NEO1: variants seen among roughly 807,000 people sequenced by gnomAD.
NEO1 encodes the protein neogenin.
NEO1 carries 63 observed loss-of-function variants against 159.7 expected under a neutral mutation model. The ratio of observed to expected loss-of-function variants is 0.39; its 90% CI spans 0.32 to 0.49. The LOEUF is 0.49. NEO1 is among the 20% of genes least tolerant of loss of function. The probability of loss-of-function intolerance (pLI) is 0.85; values close to 1 mark genes in which losing one functional copy is unlikely to be tolerated. For synonymous variants in NEO1, 633 were observed against 662.0 expected (o/e 0.96, Z 0.67); for missense variants, 1,615 against 1,831.0 (o/e 0.88, Z 2.15).
intron 5 of NEO1, among the ~76,000 whole-genome samples, chr15:73,173,576 G>A (rs2151942412): frequency 6.6e-6 from 1 of 152,296 alleles, no homozygotes; most frequent in Non-Finnish European, 1.5e-5. Context: ...TTATAGTACA[G>A]AAGAAGGGAA....
At chr15:73,223,635 T>C (rs2038413849) in intron 7 of NEO1, among the ~76,000 whole-genome samples, 1 of 152,234 alleles carries the variant, frequency 6.6e-6, no homozygotes, top group Non-Finnish European at 1.5e-5. Context: ...TTGCATGCAA[T>C]GCCTTTTTCC....
At chr15:73,234,512 A>G (rs556326745) in intron 7 of NEO1, among the ~76,000 whole-genome samples, 23 of 152,256 alleles carry the variant, frequency 1.5e-4, no homozygotes, top group African/African-American at 4.6e-4. Flanking sequence ...AAAATATATA[A>G]AGACAAACTC....
intron 1 of NEO1, among the ~76,000 whole-genome samples, chr15:73,074,108 G>A (rs1424229338): frequency 6.6e-6 from 1 of 152,136 alleles, no homozygotes; most frequent in Non-Finnish European, 1.5e-5. Flanking sequence ...CTTTAATTAA[G>A]TACCTGATTT....
rs1478648384 is a variant in NEO1, at chr15:73,293,470, C to T, written c.3823C>T (p.Arg1275Cys). ...CTCCAGCAGCCTCGCTTCTCCAGCT[C>T]GCAGTCATCTCTACCACCCGGGCAG... ...FHSSSLASPARSHLYHPGSPW... is the reference protein window; with the variant it reads ...FHSSSLASPACSHLYHPGSPW... Residue 1275 changes from arginine to cysteine, a missense_variant, in exon 26 of 29, where the codon CGC becomes TGC. This residue lies in a region of NEO1 where 471 missense variants were observed against 498.9 expected (regional missense o/e 0.94). Coordinates refer to ENST00000261908, the MANE Select transcript of NEO1 (RefSeq NM_002499.4). 5 of 1,614,064 alleles carry T rather than the reference C, an allele frequency of 3.1e-6. No individual in the cohort carries two copies. Among genetic ancestry groups the T allele is most frequent in the Admixed American group, 3.3e-5 (2 of 59,996 alleles).
chr15:73,133,858 C>T (rs996343828), intron 4 of NEO1, among the ~76,000 whole-genome samples: 4 of 152,102 alleles, frequency 2.6e-5, no homozygotes, highest in Non-Finnish European at 5.9e-5. Context: ...TAAAATCAAT[C>T]CCGTTAAGAA....
At chr15:73,148,370 A>T (rs756694123) in intron 5 of NEO1, among the ~76,000 whole-genome samples, 1 of 152,216 alleles carries the variant, frequency 6.6e-6, no homozygotes, top group Non-Finnish European at 1.5e-5. Context: ...TGATAGAATT[A>T]GGAACAGCAG....
rs144309912 is a variant in NEO1 at position 73,162,541 on chromosome 15, C to T, written c.1016-13862C>T. ...CTGAGTAGCTGGGGTTATAGGTGTGCGTCACCATGCCCAGCTAATTTTTGA... is the reference window on the plus strand; with the variant it reads ...CTGAGTAGCTGGGGTTATAGGTGTGTGTCACCATGCCCAGCTAATTTTTGA... On this transcript the variant is annotated intron_variant, in intron 5 of 28. Coordinates refer to ENST00000261908, the MANE Select transcript of NEO1 (RefSeq NM_002499.4). Among the ~76,000 whole-genome samples, 488 of 152,028 alleles carry T rather than the reference C, an allele frequency of 3.2e-3. 2 individuals are homozygous for T. The highest frequency in any genetic ancestry group is 5.0e-3 in the Non-Finnish European group (337 of 67,986).
intron 4 of NEO1, among the ~76,000 whole-genome samples, chr15:73,127,091 C>T (rs1057305407): frequency 2.6e-5 from 4 of 151,932 alleles, no homozygotes; most frequent in Admixed American, 6.6e-5. Flanking sequence ...ATTAGCTGGG[C>T]GTTGTGGCAT....
At chr15:73,236,248 G>T in intron 7 of NEO1, 99 bp from the exon 8 acceptor site, 1 of 1,543,210 alleles carries the variant, frequency 6.5e-7, no homozygotes, top group Non-Finnish European at 8.9e-7. Context: ...AACCGTCGTG[G>T]TTTGCCCTTC....
chr15:73,299,485 A>G (rs2042520302), intron 27 of NEO1, among the ~76,000 whole-genome samples: 1 of 151,432 alleles, frequency 6.6e-6, no homozygotes, highest in Non-Finnish European at 1.5e-5. Flanking sequence ...TCCCGGGTTC[A>G]CGCCATTCTC....
At chr15:73,090,833 A>C (rs1042419360) in intron 1 of NEO1, among the ~76,000 whole-genome samples, 23 of 152,138 alleles carry the variant, frequency 1.5e-4, no homozygotes, top group Admixed American at 1.5e-3. Flanking sequence ...TTTAAATTAC[A>C]CCCTATAGCA....
At chr15:73,281,194 C>CGA (rs1320475572) in intron 22 of NEO1, among the ~76,000 whole-genome samples, 1 of 115,700 alleles carries the variant, frequency 8.6e-6, no homozygotes, top group Non-Finnish European at 2.0e-5. Flanking sequence ...GACGACAGAG[C>CGA]GAGACTCAAA....
chr15:73,291,736 T>C (rs2042172660), intron 25 of NEO1, among the ~76,000 whole-genome samples: 1 of 152,232 alleles, frequency 6.6e-6, no homozygotes. Context: ...TTTCCTACTA[T>C]ATCCTAGGCA....
At chr15:73,291,386 G>A (rs886832140) in intron 25 of NEO1, among the ~76,000 whole-genome samples, 2 of 152,136 alleles carry the variant, frequency 1.3e-5, no homozygotes, top group Admixed American at 6.5e-5. Flanking sequence ...TGATGTTGGG[G>A]AAGGAGTTTG....
intron 22 of NEO1, among the ~76,000 whole-genome samples, chr15:73,282,236 A>T (rs11639213): frequency 0.42 from 64,516 of 151,972 alleles, 15,218 homozygotes; most frequent in Non-Finnish European, 0.53. Flanking sequence ...CTGTATCATA[A>T]CCCCTCATTT....
rs2036577907 is a variant in NEO1, at chr15:73,197,233, CCTGTAG to C, written c.1291+18807_1291+18812del. 2.0e-5 allele frequency among the ~76,000 whole-genome samples: 3 copies of C among 152,212 alleles called. No individual in the cohort carries two copies. The South Asian group carries it at 6.2e-4, about 32-fold the overall frequency. ...AATTAGCCGGGTGTGGTAGCACGTT[CCTGTAG>C]TCCCAGCTGCTGGGGAGGCTGAGGC... On this transcript the variant is annotated intron_variant, in intron 7 of 28. Coordinates refer to ENST00000261908, the MANE Select transcript of NEO1 (RefSeq NM_002499.4).
At chr15:73,161,115 A>G (rs1403092966) in intron 5 of NEO1, among the ~76,000 whole-genome samples, 1 of 152,184 alleles carries the variant, frequency 6.6e-6, no homozygotes, top group Non-Finnish European at 1.5e-5. Context: ...ACAGTATCAC[A>G]AGCCAATATG....
chr15:73,267,410 T>G (rs2040960727), intron 16 of NEO1, among the ~76,000 whole-genome samples: 1 of 152,178 alleles, frequency 6.6e-6, no homozygotes, highest in African/African-American at 2.4e-5. Context: ...TTATTATACT[T>G]TAAGTTTTAG....
chr15:73,074,636 A>G (rs1209063718), intron 1 of NEO1, among the ~76,000 whole-genome samples: 2 of 152,138 alleles, frequency 1.3e-5, no homozygotes, highest in Non-Finnish European at 2.9e-5. Flanking sequence ...AGACAGAATT[A>G]TTTTCTCATG....
Sources: allele counts gnomAD v4.1 joint callset (sites outside exome capture counted in the v4.1 genomes callset), GRCh38; gene constraint gnomAD v4.1.1; regional missense constraint gnomAD v4.1.1; transcripts MANE v1.5; gene names NCBI Gene and HGNC (gene_info 2026-07-23, HGNC 2026-07-21).